EXOC6B: variants seen among roughly 807,000 people sequenced by gnomAD.
EXOC6B encodes the protein exocyst complex component 6B, also known as SEC15 homolog B.
A neutral mutation model predicts 113.5 loss-of-function variants in EXOC6B; 54 were observed. The observed-to-expected ratio is 0.48, with a 90% CI of 0.38 to 0.60. The LOEUF is 0.60. Among genes scored for constraint, EXOC6B ranks in the 20% least tolerant of loss-of-function variants. The probability of loss-of-function intolerance (pLI) is 0.00; values close to 1 mark genes in which losing one functional copy is unlikely to be tolerated. For missense variants in EXOC6B, 797 were observed against 977.5 expected (o/e 0.82, Z 2.46); for synonymous variants, 357 against 339.0 (o/e 1.05, Z -0.58).
chr2:72,195,388 G>A (rs1367458062), intron 20 of EXOC6B, among the ~76,000 whole-genome samples: 1 of 152,220 alleles, frequency 6.6e-6, no homozygotes, highest in Non-Finnish European at 1.5e-5. Context: ...GAGGATGGGA[G>A]GCCCCTGTCA....
At chr2:72,427,533 A>G (rs689154) in intron 18 of EXOC6B, among the ~76,000 whole-genome samples, 54,265 of 152,078 alleles carry the variant, frequency 0.36, 15,647 homozygotes, top group African/African-American at 0.8. Flanking sequence ...CATGTTCGGG[A>G]GCAGCACTGA....
chr2:72,262,868 GA>G (rs1356957840), intron 20 of EXOC6B, among the ~76,000 whole-genome samples: 1 of 152,050 alleles, frequency 6.6e-6, no homozygotes, highest in Non-Finnish European at 1.5e-5. Context: ...CAAAAAAAGA[GA>G]ATAAGGTCTG....
At chr2:72,454,820 T>C (rs908245616) in intron 18 of EXOC6B, among the ~76,000 whole-genome samples, 1 of 152,130 alleles carries the variant, frequency 6.6e-6, no homozygotes, top group Non-Finnish European at 1.5e-5. Flanking sequence ...TTCTAAGTAA[T>C]AGCTCAACAC....
At chr2:72,308,095 T>A (rs1203087073) in intron 20 of EXOC6B, among the ~76,000 whole-genome samples, 1 of 152,152 alleles carries the variant, frequency 6.6e-6, no homozygotes, top group Non-Finnish European at 1.5e-5. Flanking sequence ...GGTAAAGAAA[T>A]CTCTTCCGCA....
chr2:72,292,857 C>T (rs549135533), intron 20 of EXOC6B, among the ~76,000 whole-genome samples: 7 of 152,170 alleles, frequency 4.6e-5, no homozygotes, highest in African/African-American at 1.7e-4. Flanking sequence ...CAAGTTTTTA[C>T]CAATAGCTTA....
chr2:72,647,349 T>C (rs1018517527), intron 6 of EXOC6B, among the ~76,000 whole-genome samples: 1 of 152,196 alleles, frequency 6.6e-6, no homozygotes, highest in African/African-American at 2.4e-5. Flanking sequence ...ATGGCCATAC[T>C]GCCCAAGGTA....
At chr2:72,643,810 AAAAT>A (rs143948551) in intron 6 of EXOC6B, among the ~76,000 whole-genome samples, 18 of 150,836 alleles carry the variant, frequency 1.2e-4, no homozygotes, top group Middle Eastern at 3.4e-3. Flanking sequence ...AAAAAATTAA[AAAAT>A]AAATAAATAA....
intron 18 of EXOC6B, among the ~76,000 whole-genome samples, chr2:72,390,314 T>C (rs970672959): frequency 6.6e-6 from 1 of 152,238 alleles, no homozygotes; most frequent in Non-Finnish European, 1.5e-5. Context: ...CCTTTAAATA[T>C]TGAATATATT....
chr2:72,743,210 A>T (rs939628249), intron 1 of EXOC6B, among the ~76,000 whole-genome samples: 1 of 152,130 alleles, frequency 6.6e-6, no homozygotes, highest in African/African-American at 2.4e-5. Context: ...CATTACCACC[A>T]CAATGGACCA....
At chr2:72,562,918 T>G (rs1056539166) in intron 7 of EXOC6B, among the ~76,000 whole-genome samples, 3 of 152,174 alleles carry the variant, frequency 2.0e-5, no homozygotes, top group African/African-American at 7.2e-5. Flanking sequence ...TTTAACTAGT[T>G]GTTTTCCTTA....
At chr2:72,756,768 AC>A (rs1682438181) in intron 1 of EXOC6B, among the ~76,000 whole-genome samples, 1 of 152,090 alleles carries the variant, frequency 6.6e-6, no homozygotes, top group Non-Finnish European at 1.5e-5. Context: ...AGAAGCATTT[AC>A]CTTTCCCAGG....
intron 6 of EXOC6B, among the ~76,000 whole-genome samples, chr2:72,666,073 A>C (rs115355444): frequency 6.6e-6 from 1 of 152,322 alleles, no homozygotes; most frequent in Non-Finnish European, 1.5e-5. Flanking sequence ...GTAAACCAAC[A>C]ACAAGCAAGA....
chr2:72,821,600 T>G (rs1686585113), intron 1 of EXOC6B, among the ~76,000 whole-genome samples: 1 of 152,082 alleles, frequency 6.6e-6, no homozygotes, highest in South Asian at 2.1e-4. Flanking sequence ...AAATAAAATG[T>G]GGTATATCCA....
intron 19 of EXOC6B, among the ~76,000 whole-genome samples, chr2:72,358,955 C>T (rs1057093485): frequency 2.0e-5 from 3 of 152,122 alleles, no homozygotes; most frequent in African/African-American, 7.2e-5. Context: ...TTGCTAATTG[C>T]ATCATATTTA....
At chr2:72,581,356 G>A (rs1283552888) in intron 6 of EXOC6B, among the ~76,000 whole-genome samples, 1 of 151,930 alleles carries the variant, frequency 6.6e-6, no homozygotes, top group Non-Finnish European at 1.5e-5. Context: ...TAAAATGAAG[G>A]AAAAAGACCA....
intron 20 of EXOC6B, among the ~76,000 whole-genome samples, chr2:72,257,856 G>A (rs1683446394): frequency 6.6e-6 from 1 of 152,134 alleles, no homozygotes; most frequent in South Asian, 2.1e-4. Context: ...GTCCCAGACA[G>A]TTTTCTAGTT....
At chr2:72,674,556 G>A (rs1306732365) in intron 6 of EXOC6B, among the ~76,000 whole-genome samples, 3 of 152,200 alleles carry the variant, frequency 2.0e-5, no homozygotes, top group Non-Finnish European at 4.4e-5. Flanking sequence ...TGCAGGCCGG[G>A]CGCGGTGGCT....
chr2:72,515,224 G>A, intron 8 of EXOC6B, 98 bp from the exon 9 acceptor site: 2 of 1,137,042 alleles, frequency 1.8e-6, no homozygotes, highest in Non-Finnish European at 2.5e-6. Context: ...ATTTGAGGTA[G>A]TATCACATTT....
rs373706788 is a variant in EXOC6B at position 72,680,189 on chromosome 2, G to C, written c.669+37914C>G. Among the ~76,000 whole-genome samples the C allele has an allele frequency of 1.5e-4, 23 of 152,252 alleles. 2 individuals are homozygous for C. Among genetic ancestry groups the C allele is most frequent in the African/African-American group, 4.6e-4 (19 of 41,554 alleles). On this transcript the variant is annotated intron_variant, in intron 6 of 21. Transcript: ENST00000272427. ...TTTGTGCTATTTCTGCAAGTTTTCT[G>C]TAAGTCTGCTATTATTTCAAGAAAA...
Sources: gnomAD v4.1 joint callset for allele counts (sites outside exome capture counted in the v4.1 genomes callset) on GRCh38, gnomAD v4.1.1 for gene constraint, MANE v1.5 for transcripts, NCBI Gene and HGNC (gene_info 2026-07-23, HGNC 2026-07-21) for gene names.